The following WFDC10B variants were observed in gnomAD, a reference collection of about 807,000 sequenced individuals.
The protein encoded by WFDC10B is WAP four-disulfide core domain 10B, also known as protein WFDC10B.
WFDC10B carries 1 observed loss-of-function variant against 2.7 expected under a neutral mutation model. That is an observed-to-expected ratio of 0.38 (90% CI 0.13 to 1.79). WFDC10B has a LOEUF of 1.79. Ranked by LOEUF, WFDC10B falls within the 40% of genes most tolerant of loss-of-function variation. WFDC10B has a pLI of 0.33. For missense variants in WFDC10B, 71 were observed against 87.8 expected (o/e 0.81, Z 0.76); for synonymous variants, 26 against 32.2 (o/e 0.81, Z 0.65).
At chr20:45,690,610 T>A (rs1036767375) in intron 2 of WFDC10B, among the ~76,000 whole-genome samples, 2 of 152,138 alleles carry the variant, frequency 1.3e-5, no homozygotes, top group Non-Finnish European at 2.9e-5. Flanking sequence ...TCTTCTAGAT[T>A]TTCTAGTTTA....
chr20:45,699,815 A>T (rs753138932), intron 2 of WFDC10B, among the ~76,000 whole-genome samples: 39 of 152,292 alleles, frequency 2.6e-4, no homozygotes, highest in Non-Finnish European at 3.4e-4. Flanking sequence ...AGTAGCTGGG[A>T]CTACAGGCAT....
At chr20:45,704,639 G>A (rs1287544256) in intron 1 of WFDC10B, 78 bp from the exon 2 acceptor site, 2 of 1,604,244 alleles carry the variant, frequency 1.2e-6, no homozygotes, top group South Asian at 1.1e-5. Flanking sequence ...AGCTGCTGGT[G>A]GGAGCCCAGC....
In WFDC10B at chr20:45,702,154, G is replaced by A; in HGVS notation, c.-65+2343C>T. ...GCCTGTGCTGCCTCTCCAGTTCCTG[G>A]TGGTGTTCTGCCTAGCACTGCAGCT... is the stretch of plus-strand genomic sequence containing the variant. On this transcript the variant is annotated intron_variant, in intron 2 of 3. Coordinates refer to ENST00000330523, the MANE Select transcript of WFDC10B (RefSeq NM_172006.2). 2 of 1,613,448 alleles carry A rather than the reference G, an allele frequency of 1.2e-6. No homozygotes were observed. The highest frequency in any genetic ancestry group is 1.7e-6 in the Non-Finnish European group (2 of 1,179,792).
chr20:45,692,331 G>A (rs1313222589), intron 2 of WFDC10B, among the ~76,000 whole-genome samples: 15 of 151,790 alleles, frequency 9.9e-5, no homozygotes, highest in African/African-American at 2.9e-4. Flanking sequence ...TGCTCTTCTC[G>A]AGGAGTATCT....
At chr20:45,690,950 C>T (rs975239893) in intron 2 of WFDC10B, among the ~76,000 whole-genome samples, 3 of 152,118 alleles carry the variant, frequency 2.0e-5, no homozygotes, top group East Asian at 1.9e-4. Context: ...TTGGATCTTT[C>T]CTGCTTTCTC....
intron 2 of WFDC10B, among the ~76,000 whole-genome samples, chr20:45,688,653 T>C (rs1294795130): frequency 6.6e-6 from 1 of 151,394 alleles, no homozygotes; most frequent in Non-Finnish European, 1.5e-5. Flanking sequence ...TTGAGAAGTG[T>C]CTGTTCATGT....
Position 45,684,770 on chromosome 20 carries a change from GCA to G in WFDC10B, c.*58_*59del, listed in dbSNP as rs1253696493. 1 of 1,586,430 alleles carries G rather than the reference GCA, an allele frequency of 6.3e-7. No individual in the cohort carries two copies. The highest frequency in any genetic ancestry group is 2.3e-5 in the East Asian group (1 of 44,166). ...TGATGTCCTTGTGCTTCGGATGTGGGCACAGTCTCGGATGGAAGGGTTCAGGG... is the reference window on the plus strand; with the variant it reads ...TGATGTCCTTGTGCTTCGGATGTGGGCAGTCTCGGATGGAAGGGTTCAGGG... On this transcript the variant is annotated 3_prime_UTR_variant, in exon 4 of 4. Coordinates refer to ENST00000330523, the MANE Select transcript of WFDC10B (RefSeq NM_172006.2).
intron 2 of WFDC10B, chr20:45,702,198 G>C: frequency 1.9e-6 from 3 of 1,612,546 alleles, no homozygotes; most frequent in Non-Finnish European, 2.5e-6. Flanking sequence ...GGAGTCCCAA[G>C]CAGCGTGTTC....
intron 2 of WFDC10B, among the ~76,000 whole-genome samples, chr20:45,691,620 T>G (rs1336033595): frequency 1.3e-5 from 2 of 151,818 alleles, no homozygotes; most frequent in African/African-American, 4.8e-5. Flanking sequence ...TTGATCTTTG[T>G]TGGTTTAAAG....
At chr20:45,689,215 C>A (rs1983728861) in intron 2 of WFDC10B, among the ~76,000 whole-genome samples, 1 of 151,372 alleles carries the variant, frequency 6.6e-6, no homozygotes, top group African/African-American at 2.4e-5. Context: ...TGTTTTGGTA[C>A]CAGTACCATG....
At chr20:45,691,630 G>A (rs1983815748) in intron 2 of WFDC10B, among the ~76,000 whole-genome samples, 1 of 151,688 alleles carries the variant, frequency 6.6e-6, no homozygotes, top group East Asian at 1.9e-4. Flanking sequence ...TTGGTTTAAA[G>A]TCTGTTTTAT....
At chr20:45,685,772 C>G in intron 3 of WFDC10B, 130 bp downstream of exon 3, 3 of 1,448,510 alleles carry the variant, frequency 2.1e-6, no homozygotes, top group Non-Finnish European at 2.8e-6. Context: ...AGCCCAGAGT[C>G]TGCACAGCAT....
At chr20:45,686,372 T>A (rs536004212) in intron 2 of WFDC10B, among the ~76,000 whole-genome samples, 3 of 152,356 alleles carry the variant, frequency 2.0e-5, no homozygotes, top group Admixed American at 2.0e-4. Flanking sequence ...TTAACCCATA[T>A]TTTATTACAT....
chr20:45,696,150 T>C (rs571630558), intron 2 of WFDC10B, among the ~76,000 whole-genome samples: 3 of 151,798 alleles, frequency 2.0e-5, no homozygotes, highest in South Asian at 4.2e-4. Flanking sequence ...CTGGGCATGG[T>C]GGTATGAGCC....
chr20:45,696,646 C>A (rs1259735262), intron 2 of WFDC10B, among the ~76,000 whole-genome samples: 2 of 152,006 alleles, frequency 1.3e-5, no homozygotes, highest in Non-Finnish European at 2.9e-5. Context: ...AATTAGATAA[C>A]CTTGGATGAA....
At chr20:45,701,223 T>G (rs1984144377) in intron 2 of WFDC10B, among the ~76,000 whole-genome samples, 1 of 152,136 alleles carries the variant, frequency 6.6e-6, no homozygotes, top group South Asian at 2.1e-4. Flanking sequence ...GTAGGTAGAT[T>G]CAAGCAAGGA....
intron 2 of WFDC10B, among the ~76,000 whole-genome samples, chr20:45,695,683 C>T (rs889766249): frequency 3.9e-5 from 6 of 152,046 alleles, no homozygotes; most frequent in Admixed American, 3.3e-4. Flanking sequence ...TAAATCACAA[C>T]GGAAATTAGA....
intron 2 of WFDC10B, among the ~76,000 whole-genome samples, chr20:45,692,384 C>T (rs1433474515): frequency 6.6e-6 from 1 of 151,998 alleles, no homozygotes; most frequent in Admixed American, 6.6e-5. Flanking sequence ...TGTTGGCCTG[C>T]CTTGCTAGAT....
intron 2 of WFDC10B, among the ~76,000 whole-genome samples, chr20:45,690,073 G>A (rs888223434): frequency 3.3e-5 from 5 of 152,096 alleles, no homozygotes; most frequent in Non-Finnish European, 7.3e-5. Context: ...TTTGTCAAAG[G>A]CCTTTTCTGC....
Sources: allele counts gnomAD v4.1 joint callset (sites outside exome capture counted in the v4.1 genomes callset), GRCh38; gene constraint gnomAD v4.1.1; transcripts MANE v1.5; gene names NCBI Gene and HGNC (gene_info 2026-07-23, HGNC 2026-07-21).